The following AOAH variants were observed in gnomAD, a reference collection of about 807,000 sequenced individuals.
The protein encoded by AOAH is acyloxyacyl hydrolase (neutrophil).
Under a neutral mutation model 92.2 loss-of-function variants are expected in AOAH, and 64 were observed. The ratio of observed to expected loss-of-function variants is 0.69; its 90% CI spans 0.57 to 0.86. The LOEUF (loss-of-function observed/expected upper bound fraction) is 0.86, where lower values mean the gene tolerates loss of function less well. AOAH is among the 40% of genes least tolerant of loss of function. The probability of loss-of-function intolerance (pLI) is 0.00; values close to 1 mark genes in which losing one functional copy is unlikely to be tolerated. For synonymous variants in AOAH, 263 were observed against 254.5 expected (o/e 1.03, Z -0.32); for missense variants, 656 against 694.6 (o/e 0.94, Z 0.62).
chr7:36,517,655 T>G (rs2115751617), intron 20 of AOAH, among the ~76,000 whole-genome samples: 1 of 137,602 alleles, frequency 7.3e-6, no homozygotes, highest in Middle Eastern at 4.7e-3. Flanking sequence ...GGCTGGAGTG[T>G]AGTGGCGTGA....
chr7:36,589,343 A>C (rs868666350), intron 12 of AOAH, among the ~76,000 whole-genome samples: 4 of 152,180 alleles, frequency 2.6e-5, no homozygotes, highest in Non-Finnish European at 5.9e-5. Flanking sequence ...CACACAACAC[A>C]GGGCTTACTG....
chr7:36,600,658 G>C (rs1351392477), intron 11 of AOAH, among the ~76,000 whole-genome samples: 1 of 151,672 alleles, frequency 6.6e-6, no homozygotes, highest in Non-Finnish European at 1.5e-5. Context: ...AGCAGGCCGG[G>C]TCAGCACCAT....
chr7:36,638,325 T>C (rs879646764), intron 4 of AOAH, among the ~76,000 whole-genome samples: 15 of 152,210 alleles, frequency 9.9e-5, no homozygotes, highest in Non-Finnish European at 1.8e-4. Flanking sequence ...AGCAGGAGGC[T>C]GTCAACAGCC....
At chr7:36,593,793 G>A (rs189134935) in intron 12 of AOAH, among the ~76,000 whole-genome samples, 472 of 152,310 alleles carry the variant, frequency 3.1e-3, no homozygotes, top group Non-Finnish European at 4.9e-3. Flanking sequence ...TTACTACCAT[G>A]TTAGGGACAC....
intron 11 of AOAH, among the ~76,000 whole-genome samples, chr7:36,610,941 A>AAAAC (rs1791410329): frequency 6.6e-6 from 1 of 152,220 alleles, no homozygotes; most frequent in East Asian, 1.9e-4. Flanking sequence ...AGCTCAATTG[A>AAAAC]AAACAGCTGA....
At position 36,532,168 on chromosome 7, in the gene AOAH, C is replaced by A; in HGVS notation, c.1404G>T (p.Thr468=). The change falls in exon 18 of 21, where the codon ACG becomes ACT. Residue 468 remains threonine, a synonymous_variant. Coordinates refer to ENST00000617537, the MANE Select transcript of AOAH (RefSeq NM_001637.4). The part of the protein sequence containing the change: ...PCHGWMSSNK[T]LRTLTSERAE... ...ATACCTCTGAAGTGAGAGTCCGCAA[C>A]GTCTTGTTGGAAGACATCCAGCCGT... The A allele has an allele frequency of 1.2e-6, 2 of 1,614,212 alleles. No individual in the cohort carries two copies. Among genetic ancestry groups the A allele is most frequent in the Non-Finnish European group, 1.7e-6 (2 of 1,180,032 alleles).
chr7:36,536,380 CT>C (rs1216722402), intron 16 of AOAH, among the ~76,000 whole-genome samples: 12 of 151,764 alleles, frequency 7.9e-5, no homozygotes, highest in East Asian at 7.7e-4. Flanking sequence ...CTTCCCCCTA[CT>C]TTTTTTTTCT....
intron 13 of AOAH, among the ~76,000 whole-genome samples, chr7:36,557,541 G>T (rs1337470852): frequency 6.6e-6 from 1 of 152,226 alleles, no homozygotes; most frequent in African/African-American, 2.4e-5. Flanking sequence ...TGCCTTGCTA[G>T]ATTGGGGAAG....
intron 12 of AOAH, among the ~76,000 whole-genome samples, chr7:36,587,437 T>C (rs1789422959): frequency 6.6e-6 from 1 of 152,136 alleles, no homozygotes. Context: ...TAAAGATTGA[T>C]TAGTTGCAAG....
intron 1 of AOAH, among the ~76,000 whole-genome samples, chr7:36,705,109 C>T (rs1342728619): frequency 1.3e-5 from 2 of 152,170 alleles, no homozygotes; most frequent in African/African-American, 2.4e-5. Flanking sequence ...TCTCTCACCA[C>T]TCCTATTCAA....
intron 20 of AOAH, among the ~76,000 whole-genome samples, chr7:36,517,102 G>A (rs760875633): frequency 6.6e-5 from 10 of 151,992 alleles, no homozygotes; most frequent in Admixed American, 2.6e-4. Context: ...TAACTTCCAC[G>A]AGGCGCTGCA....
At chr7:36,712,252 C>A (rs141717589) in intron 1 of AOAH, among the ~76,000 whole-genome samples, 1 of 152,116 alleles carries the variant, frequency 6.6e-6, no homozygotes, top group Non-Finnish European at 1.5e-5. Flanking sequence ...ATGAAGTCAT[C>A]GTGAACCACT....
intron 19 of AOAH, among the ~76,000 whole-genome samples, chr7:36,523,133 A>G (rs1241311465): frequency 6.6e-6 from 1 of 152,204 alleles, no homozygotes; most frequent in Non-Finnish European, 1.5e-5. Context: ...CCCTTCTCAA[A>G]GCTCAGGAAA....
Position 36,621,702 on chromosome 7 carries a change from A to C in AOAH, c.653+8T>G, listed in dbSNP as rs748922113. 6.2e-7 allele frequency: 1 copy of C among 1,613,950 alleles called. No individual in the cohort carries two copies. The highest frequency in any genetic ancestry group is 8.5e-7 in the Non-Finnish European group (1 of 1,179,830). On this transcript the variant is annotated splice_region_variant and intron_variant, in intron 8 of 20. Transcript: ENST00000617537. ...TTTTAAAAATCAGCAACCAGCAGAA[A>C]TAGTTACCTTCTACCTGGGTACACT...
At chr7:36,690,036 TAGA>T (rs1797290604) in intron 1 of AOAH, 3 of 341,890 alleles carry the variant, frequency 8.8e-6, no homozygotes, top group South Asian at 4.7e-5. Flanking sequence ...ATCCGTGGCT[TAGA>T]AGGATAAATG....
At chr7:36,609,655 C>T (rs955357786) in intron 11 of AOAH, among the ~76,000 whole-genome samples, 2 of 152,170 alleles carry the variant, frequency 1.3e-5, no homozygotes, top group Non-Finnish European at 2.9e-5. Context: ...CAGTGTCTCT[C>T]CCTTCAGGCA....
chr7:36,582,752 G>T (rs1161993119), intron 12 of AOAH, among the ~76,000 whole-genome samples: 1 of 152,118 alleles, frequency 6.6e-6, no homozygotes, highest in African/African-American at 2.4e-5. Flanking sequence ...TCTTCCAAAG[G>T]CTTTGTAGCC....
At chr7:36,661,940 A>G (rs910932617) in intron 3 of AOAH, among the ~76,000 whole-genome samples, 12 of 152,236 alleles carry the variant, frequency 7.9e-5, no homozygotes, top group Non-Finnish European at 1.3e-4. Flanking sequence ...AACAAAACAG[A>G]AAAACACTCT....
intron 10 of AOAH, among the ~76,000 whole-genome samples, chr7:36,617,921 C>G (rs1792015227): frequency 6.6e-6 from 1 of 152,212 alleles, no homozygotes. Flanking sequence ...GTCCGGGTGT[C>G]TGACCTTGTA....
Sources: gnomAD v4.1 joint callset for allele counts (sites outside exome capture counted in the v4.1 genomes callset) on GRCh38, gnomAD v4.1.1 for gene constraint, MANE v1.5 for transcripts, NCBI Gene and HGNC (gene_info 2026-07-23, HGNC 2026-07-21) for gene names.